ITGB4: variants seen among roughly 807,000 people sequenced by gnomAD.
ITGB4 encodes the protein integrin beta-4.
A neutral mutation model predicts 207.6 loss-of-function variants in ITGB4; 159 were observed. The observed-to-expected ratio is 0.77, with a 90% CI of 0.67 to 0.87. The LOEUF (loss-of-function observed/expected upper bound fraction) is 0.87, where lower values mean the gene tolerates loss of function less well. Among genes scored for constraint, ITGB4 ranks in the 40% least tolerant of loss-of-function variants. ITGB4 has a pLI of 0.00. For synonymous variants in ITGB4, 1,020 were observed against 1,062.7 expected, an observed-to-expected ratio of 0.96 and a Z score of 0.78; for missense variants, 2,278 against 2,546.8, an observed-to-expected ratio of 0.89 and a Z score of 2.27.
intron 26 of ITGB4, among the ~76,000 whole-genome samples, chr17:75,745,669 A>G (rs1408412908): frequency 6.6e-6 from 1 of 152,116 alleles, no homozygotes; most frequent in Non-Finnish European, 1.5e-5. Context: ...GCCTGAGGTC[A>G]CGAGTTCGAG....
At chr17:75,753,995 C>A in intron 33 of ITGB4, 21 bp downstream of exon 33, 1 of 1,088,774 alleles carries the variant, frequency 9.2e-7, no homozygotes, top group East Asian at 3.3e-5. Context: ...CACCCGCCGC[C>A]CCCCGATCCG....
In ITGB4 at chr17:75,729,561, T is replaced by A. The variant is rs2060806206; in HGVS notation, c.738+125T>A. On this transcript the variant is annotated intron_variant, in intron 7 of 39. Transcript: ENST00000200181. The surrounding 1 kb of genome is among the most constrained non-coding windows in gnomAD (Gnocchi z 4.4). Reference sequence around the variant, plus strand: ...GGCCCTGAGGGAAAGCCTGGGAGCCTGCAACCCCTTCACCCTGAGACAAGC... The same window carrying A: ...GGCCCTGAGGGAAAGCCTGGGAGCCAGCAACCCCTTCACCCTGAGACAAGC... The A allele has an allele frequency of 1.0e-6, 1 of 966,962 alleles. No homozygotes were observed. The highest frequency in any genetic ancestry group is 1.7e-5 in the South Asian group (1 of 57,912). 59.9% of individuals were successfully genotyped at this position (966,962 alleles called of 1,614,324 possible).
At chr17:75,733,126 C>T (rs531868322) in intron 12 of ITGB4, among the ~76,000 whole-genome samples, 3 of 150,182 alleles carry the variant, frequency 2.0e-5, no homozygotes, top group Admixed American at 6.7e-5. Flanking sequence ...CGGTGGCTTA[C>T]GCCTGTAATT....
At chr17:75,754,954 G>C in intron 34 of ITGB4, 139 bp downstream of exon 34, 1 of 1,260,858 alleles carries the variant, frequency 7.9e-7, no homozygotes, top group Non-Finnish European at 1.1e-6. Context: ...ACGCACACAC[G>C]TGCACACGCA....
chr17:75,734,463 A>G (rs2060933860), intron 13 of ITGB4, among the ~76,000 whole-genome samples: 1 of 151,966 alleles, frequency 6.6e-6, no homozygotes, highest in Non-Finnish European at 1.5e-5. Context: ...CAAAGATGCT[A>G]AATTTCTACC....
chr17:75,752,879 C>T (rs892746795), intron 32 of ITGB4, among the ~76,000 whole-genome samples: 1 of 152,146 alleles, frequency 6.6e-6, no homozygotes, highest in Admixed American at 6.5e-5. Flanking sequence ...TCAGGCCACC[C>T]CCCAGGGGCA....
Position 75,752,219 on chromosome 17 carries a change from A to T in ITGB4, c.3839A>T (p.Asn1280Ile). 1 of 1,613,830 alleles carries T rather than the reference A, an allele frequency of 6.2e-7. No homozygotes were observed. Among genetic ancestry groups the T allele is most frequent in the Non-Finnish European group, 8.5e-7 (1 of 1,180,014 alleles). The change falls in exon 31 of 40, where the codon AAC becomes ATC. Residue 1280 changes from asparagine to isoleucine, a missense_variant. Asn to Ile is a moderately radical substitution (Grantham distance 149). Transcript: ENST00000200181. ...MKKVLVDNPK[N>I]RMLLIENLRE... ...AAAGTGCTGGTTGACAACCCTAAGA[A>T]CCGGATGCTGCTTATTGAGAACCTT... is the stretch of plus-strand genomic sequence containing the variant.
chr17:75,725,953 T>C (rs1334850489), intron 2 of ITGB4, among the ~76,000 whole-genome samples: 1 of 152,122 alleles, frequency 6.6e-6, no homozygotes, highest in Non-Finnish European at 1.5e-5. Context: ...TCAAAGGTAA[T>C]GGGGAAGGCT....
At position 75,739,889 on chromosome 17, in the gene ITGB4, T is replaced by C; in HGVS notation, c.2264T>C (p.Val755Ala). 1 of 1,613,546 alleles carries C rather than the reference T, an allele frequency of 6.2e-7. No individual in the cohort carries two copies. Among genetic ancestry groups the C allele is most frequent in the Non-Finnish European group, 8.5e-7 (1 of 1,180,018 alleles). ...GGACCCCATCCTGCAGGTCACATGG[T>C]GGGCTTTAAGGAAGACCACTACATG... ...LLPCCNRGHM[V>A]GFKEDHYMLR... The change falls in exon 20 of 40, where the codon GTG (valine) becomes GCG (alanine). Residue 755 changes from valine (V) to alanine (A), a missense_variant. By Grantham distance (64) the Val-to-Ala change is moderately conservative. Transcript: ENST00000200181. This position sits in a 1 kb window ranked among gnomAD's most constrained non-coding sequence, Gnocchi z 5.4.
chr17:75,726,400 TG>T (rs1282405934), intron 2 of ITGB4, among the ~76,000 whole-genome samples: 1 of 152,090 alleles, frequency 6.6e-6, no homozygotes, highest in Non-Finnish European at 1.5e-5. Context: ...CACTCCAGCC[TG>T]GGCGACACAG....
intron 26 of ITGB4, among the ~76,000 whole-genome samples, chr17:75,748,003 G>C (rs552314696): frequency 6.6e-6 from 1 of 152,144 alleles, no homozygotes; most frequent in South Asian, 2.1e-4. Context: ...GCCACCTAGT[G>C]GTCTTCTATG....
intron 17 of ITGB4, 29 bp from the exon 18 acceptor site, chr17:75,737,509 A>T: frequency 6.4e-7 from 1 of 1,554,706 alleles, no homozygotes; most frequent in Non-Finnish European, 8.7e-7. Context: ...GAGGACAGGC[A>T]CCACCTCCCC....
At chr17:75,755,284 C>T (rs536617976) in intron 34 of ITGB4, 61 of 1,503,886 alleles carry the variant, frequency 4.1e-5, no homozygotes, top group Non-Finnish European at 3.0e-5. Context: ...CCATAGCAGC[C>T]GCCAGCTGTG....
chr17:75,740,292 C>T lies in ITGB4; in HGVS notation c.2447-66C>T. The T allele has an allele frequency of 7.0e-7, 1 of 1,424,444 alleles. No homozygotes were observed. The highest frequency in any genetic ancestry group is 9.8e-7 in the Non-Finnish European group (1 of 1,022,466). 88.2% of individuals were successfully genotyped at this position (1,424,444 alleles called of 1,614,324 possible). On this transcript the variant is annotated intron_variant, in intron 20 of 39. Transcript: ENST00000200181. The surrounding 1 kb of genome is among the most constrained non-coding windows in gnomAD (Gnocchi z 5.9). ...CTAGCATGGTTGCTGGAGGGATGCT[C>T]TGTGGTGCCTGTCATGCAGGGGGCT... is the stretch of plus-strand genomic sequence containing the variant.
At chr17:75,748,794 C>A in intron 26 of ITGB4, 47 bp from the exon 27 acceptor site, 1 of 1,460,970 alleles carries the variant, frequency 6.8e-7, no homozygotes, top group Non-Finnish European at 9.4e-7. Flanking sequence ...ATGACTCTTG[C>A]CTCAGCCCCC....
Position 75,756,747 on chromosome 17 carries a change from G to C in ITGB4, c.4941G>C (p.Leu1647=). 1 of 1,613,058 alleles carries C rather than the reference G, an allele frequency of 6.2e-7. No individual in the cohort carries two copies. Among genetic ancestry groups the C allele is most frequent in the Non-Finnish European group, 8.5e-7 (1 of 1,180,014 alleles). ...GCACTCCCAGTGCCCCAGGCCCGCT[G>C]GTGTTCACTGCCCTGAGCCCAGACT... is the stretch of plus-strand genomic sequence containing the variant. ...TLSTPSAPGP[L]VFTALSPDSL... is the part of the protein sequence containing the mutation. The change falls in exon 37 of 40, where the codon CTG becomes CTC. Residue 1647 remains leucine, a synonymous_variant. Transcript: ENST00000200181.
chr17:75,745,559 C>A (rs1344398784), intron 26 of ITGB4, among the ~76,000 whole-genome samples: 1 of 151,870 alleles, frequency 6.6e-6, no homozygotes, highest in Admixed American at 6.6e-5. Flanking sequence ...CATAGTAAGA[C>A]CCTGTCTCTA....
Position 75,757,558 on chromosome 17 carries a change from G to T in ITGB4, c.*3G>T. On this transcript the variant is annotated 3_prime_UTR_variant, in exon 40 of 40. Transcript: ENST00000200181. The stretch of plus-strand genomic sequence containing the variant: ...ACCAACAGTTCTTCCAAACTTGACC[G>T]CACCCTGCCCCACCCCCGCCACGTC... The T allele has an allele frequency of 6.2e-7, 1 of 1,613,180 alleles. No homozygotes were observed. Among genetic ancestry groups the T allele is most frequent in the Non-Finnish European group, 8.5e-7 (1 of 1,179,898 alleles).
intron 2 of ITGB4, among the ~76,000 whole-genome samples, chr17:75,725,431 G>C (rs1346008641): frequency 1.3e-5 from 2 of 152,094 alleles, no homozygotes; most frequent in Non-Finnish European, 2.9e-5. Context: ...TCCCACCTTA[G>C]CCTCCCATGT....
Sources: allele counts gnomAD v4.1 joint callset (sites outside exome capture counted in the v4.1 genomes callset), GRCh38; gene constraint gnomAD v4.1.1; non-coding constraint Gnocchi (gnomAD v3.1); transcripts MANE v1.5; gene names NCBI Gene and HGNC (gene_info 2026-07-23, HGNC 2026-07-21).